The following COL11A1 variants were observed in gnomAD, a reference collection of about 807,000 sequenced individuals.
COL11A1 encodes the protein collagen alpha-1(XI) chain.
COL11A1 carries 74 observed loss-of-function variants against 265.2 expected under a neutral mutation model. That is an observed-to-expected ratio of 0.28 (90% CI 0.23 to 0.34). The LOEUF is 0.34. Ranked by LOEUF, COL11A1 falls within the 10% of genes least tolerant of loss-of-function variation. COL11A1 has a pLI of 1.00. For missense variants in COL11A1, 2,165 were observed against 2,263.6 expected (o/e 0.96, Z 0.88); for synonymous variants, 816 against 727.6 (o/e 1.12, Z -1.96).
intron 32 of COL11A1, 115 bp from the exon 33 acceptor site, chr1:102,979,219 A>G: frequency 1.6e-6 from 2 of 1,277,528 alleles, no homozygotes; most frequent in Middle Eastern, 3.7e-4. Flanking sequence ...ATTCGTATTC[A>G]TTTAGAGACA....
intron 4 of COL11A1, among the ~76,000 whole-genome samples, chr1:103,067,915 G>T (rs1347125458): frequency 1.3e-5 from 2 of 151,302 alleles, no homozygotes; most frequent in Non-Finnish European, 3.0e-5. Flanking sequence ...CAGAAAAACC[G>T]AATTAACCTG....
At chr1:102,901,419 T>C (rs1279672616) in intron 54 of COL11A1, among the ~76,000 whole-genome samples, 2 of 152,084 alleles carry the variant, frequency 1.3e-5, no homozygotes, top group Non-Finnish European at 2.9e-5. Context: ...AACAAGGCCC[T>C]TGCAAAATGT....
intron 14 of COL11A1, among the ~76,000 whole-genome samples, chr1:103,010,881 G>A (rs1250317642): frequency 6.6e-6 from 1 of 151,872 alleles, no homozygotes; most frequent in Admixed American, 6.6e-5. Flanking sequence ...TCTATTTTTA[G>A]TAGAAACGGG....
chr1:102,919,421 A>G (rs1222473746), intron 49 of COL11A1, among the ~76,000 whole-genome samples: 3 of 151,850 alleles, frequency 2.0e-5, no homozygotes, highest in Non-Finnish European at 4.4e-5. Flanking sequence ...AATATAAAAT[A>G]CACAAAAAAC....
chr1:103,055,859 G>A lies in COL11A1; in HGVS notation c.651+18759C>T, dbSNP rs148922761. On this transcript the variant is annotated intron_variant, in intron 4 of 66. Transcript: ENST00000370096. ...CATAAGAAATGAACACTTTTCAAAC[G>A]TTCGTATCTTGGGAAAGCCAATACT... Among the ~76,000 whole-genome samples the A allele has an allele frequency of 5.3e-5, 8 of 152,172 alleles. No homozygotes were observed. The East Asian group carries it at 5.8e-4, about 11-fold the overall frequency.
chr1:103,017,915 T>G, intron 10 of COL11A1, 33 bp from the exon 11 acceptor site: 1 of 1,516,980 alleles, frequency 6.6e-7, no homozygotes, highest in Non-Finnish European at 9.2e-7. Context: ...TTAATCAGAT[T>G]CCTAATCTCA....
chr1:102,964,457 T>C (rs1272843872), intron 38 of COL11A1, among the ~76,000 whole-genome samples: 1 of 152,158 alleles, frequency 6.6e-6, no homozygotes, highest in Non-Finnish European at 1.5e-5. Flanking sequence ...CTCTATAAAA[T>C]AACATCGTAT....
rs1433451885 is a variant in COL11A1, at chr1:102,934,488, G to A, written c.3561C>T (p.Ala1187=). ...GACCAGGAGGTCCAGGGAAGCCTCT[G>A]GCACCCTCATCACCTTTTTGCCCAA... ...GMFGQKGDEG[A]RGFPGPPGPI... The change falls in exon 46 of 67, where the codon GCC becomes GCT. Residue 1187 remains alanine (A), a synonymous_variant. Coordinates refer to ENST00000370096, the MANE Select transcript of COL11A1 (RefSeq NM_001854.4). The A allele has an allele frequency of 6.2e-7, 1 of 1,614,090 alleles. No homozygotes were observed. Among genetic ancestry groups the A allele is most frequent in the Non-Finnish European group, 8.5e-7 (1 of 1,179,978 alleles).
At chr1:103,001,890 T>G in intron 24 of COL11A1, 35 bp downstream of exon 24, 1 of 1,605,208 alleles carries the variant, frequency 6.2e-7, no homozygotes, top group Non-Finnish European at 8.5e-7. Flanking sequence ...ACAAACATGT[T>G]CACCAGGCTT....
chr1:103,005,341 C>T (rs1227679494), intron 18 of COL11A1, among the ~76,000 whole-genome samples: 1 of 152,104 alleles, frequency 6.6e-6, no homozygotes, highest in Non-Finnish European at 1.5e-5. Flanking sequence ...TGTTCAGAAT[C>T]ATGGTTTCTT....
intron 8 of COL11A1, among the ~76,000 whole-genome samples, 191 bp downstream of exon 8, chr1:103,022,551 G>A (rs75306311): frequency 2.2e-4 from 33 of 152,208 alleles, no homozygotes; most frequent in Non-Finnish European, 4.6e-4. Context: ...CAAAAGTATG[G>A]CCAAAGATAC....
chr1:103,078,653 C>T lies in COL11A1; in HGVS notation c.488+5G>A, dbSNP rs544741688. On this transcript the variant is annotated splice_donor_5th_base_variant and intron_variant, in intron 3 of 66. Coordinates refer to ENST00000370096, the MANE Select transcript of COL11A1 (RefSeq NM_001854.4). ...GCTAAAACATTGTATTATTTTGTTACTTACTTCCCGTCAGCGATGTTAACA... is the reference window on the plus strand; with the variant it reads ...GCTAAAACATTGTATTATTTTGTTATTTACTTCCCGTCAGCGATGTTAACA... The T allele has an allele frequency of 6.2e-7, 1 of 1,612,012 alleles. No individual in the cohort carries two copies. Among genetic ancestry groups the T allele is most frequent in the African/African-American group, 1.3e-5 (1 of 74,964 alleles).
chr1:102,900,969 C>T (rs1653113713), intron 54 of COL11A1, among the ~76,000 whole-genome samples: 2 of 151,814 alleles, frequency 1.3e-5, no homozygotes, highest in Non-Finnish European at 2.9e-5. Flanking sequence ...TCAAGTGGGA[C>T]CTAATAGAAG....
At chr1:102,975,505 C>T (rs940151566) in intron 35 of COL11A1, among the ~76,000 whole-genome samples, 6 of 151,888 alleles carry the variant, frequency 4.0e-5, no homozygotes, top group African/African-American at 1.5e-4. Context: ...TAGTTATTAA[C>T]GTTCAGTCCA....
At chr1:103,076,287 A>T (rs1671966716) in intron 3 of COL11A1, among the ~76,000 whole-genome samples, 1 of 152,142 alleles carries the variant, frequency 6.6e-6, no homozygotes, top group African/African-American at 2.4e-5. Flanking sequence ...TCAATTTAGT[A>T]CAAGCTGCCA....
rs116212774 is a variant in COL11A1, at chr1:102,981,161, G to A, written c.2557-1726C>T. On this transcript the variant is annotated intron_variant, in intron 31 of 66. Transcript: ENST00000370096. ...TTTTTTATAACATGTTTTCCTGTAT[G>A]TTTCAATACATGCCTATACAGCTAA... 3.0e-3 allele frequency among the ~76,000 whole-genome samples: 459 copies of A among 152,140 alleles called. 1 individual carries two copies. The highest frequency in any genetic ancestry group is 0.011 in the African/African-American group (446 of 41,518).
intron 46 of COL11A1, among the ~76,000 whole-genome samples, chr1:102,933,749 G>A (rs1423832013): frequency 6.6e-6 from 1 of 152,154 alleles, no homozygotes; most frequent in African/African-American, 2.4e-5. Flanking sequence ...GAGACTCCGT[G>A]GGCGTAGGAC....
At chr1:102,971,936 TC>T (rs1171057165) in intron 36 of COL11A1, among the ~76,000 whole-genome samples, 32 of 152,184 alleles carry the variant, frequency 2.1e-4, no homozygotes, top group Non-Finnish European at 2.9e-5. Flanking sequence ...AACCATGGCT[TC>T]TTTAAAAAAC....
Position 103,025,841 on chromosome 1 carries a change from T to A in COL11A1, c.898-228A>T, listed in dbSNP as rs1010035868. On this transcript the variant is annotated intron_variant, in intron 6 of 66. Coordinates refer to ENST00000370096, the MANE Select transcript of COL11A1 (RefSeq NM_001854.4). ...GCTTTTGCTGATGCTTGATAACTTT[T>A]CTTCTTCTTGGATGAAAATTTTTCA... 5 of 1,613,634 alleles carry A rather than the reference T, an allele frequency of 3.1e-6. No homozygotes were observed. The highest frequency in any genetic ancestry group is 4.2e-6 in the Non-Finnish European group (5 of 1,179,980).
Sources: allele counts gnomAD v4.1 joint callset (sites outside exome capture counted in the v4.1 genomes callset), GRCh38; gene constraint gnomAD v4.1.1; transcripts MANE v1.5; gene names NCBI Gene and HGNC (gene_info 2026-07-23, HGNC 2026-07-21).